PLCG2: variants seen among roughly 807,000 people sequenced by gnomAD.
PLCG2 encodes 1-phosphatidylinositol 4,5-bisphosphate phosphodiesterase gamma-2.
Under a neutral mutation model 175.6 loss-of-function variants are expected in PLCG2, and 69 were observed. The observed-to-expected ratio is 0.39, with a 90% confidence interval of 0.32 to 0.48. The LOEUF (loss-of-function observed/expected upper bound fraction) is 0.48. Ranked by LOEUF, PLCG2 falls within the 20% of genes least tolerant of loss-of-function variation. The probability of loss-of-function intolerance (pLI) is 0.91; values close to 1 mark genes in which losing one functional copy is unlikely to be tolerated. For missense variants in PLCG2, 1,798 were observed against 1,650.9 expected (o/e 1.09, Z -1.54); for synonymous variants, 827 against 624.0 (o/e 1.33, Z -4.85).
chr16:81,894,402 C>G (rs985862525), intron 12 of PLCG2, among the ~76,000 whole-genome samples: 5 of 152,208 alleles, frequency 3.3e-5, no homozygotes, highest in Non-Finnish European at 5.9e-5. Flanking sequence ...GCACTCTAGC[C>G]TGGGCAACAG....
intron 2 of PLCG2, among the ~76,000 whole-genome samples, chr16:81,765,792 C>T (rs151244622): frequency 4.6e-5 from 7 of 152,266 alleles, no homozygotes; most frequent in African/African-American, 9.6e-5. Context: ...GTCTGGATGG[C>T]TGGTTGACAG....
At chr16:81,859,077 T>C in intron 4 of PLCG2, 39 bp from the exon 5 acceptor site, 1 of 1,301,688 alleles carries the variant, frequency 7.7e-7, no homozygotes, top group Non-Finnish European at 1.1e-6. Flanking sequence ...TTTCTAATTT[T>C]CTCTTTCTCT....
upstream of PLCG2, among the ~76,000 whole-genome samples, chr16:81,777,670 C>G (rs1910456966): frequency 6.6e-6 from 1 of 152,054 alleles, no homozygotes; most frequent in African/African-American, 2.4e-5. Flanking sequence ...CAAACGAGTC[C>G]TATGGCTTGG....
At chr16:81,876,016 C>T (rs368525788) in intron 7 of PLCG2, among the ~76,000 whole-genome samples, 14 of 115,008 alleles carry the variant, frequency 1.2e-4, no homozygotes, top group Non-Finnish European at 2.1e-4. Flanking sequence ...CTTTTTCTTT[C>T]TTTTTTTTTT....
intron 31 of PLCG2, among the ~76,000 whole-genome samples, chr16:81,953,347 C>T (rs146095053): frequency 2.5e-4 from 38 of 151,882 alleles, no homozygotes; most frequent in African/African-American, 8.7e-4. Context: ...TGTGGTTGTG[C>T]GAGATGTTAA....
intron 20 of PLCG2, among the ~76,000 whole-genome samples, chr16:81,920,570 T>G (rs1852637952): frequency 2.0e-5 from 3 of 152,108 alleles, no homozygotes; most frequent in South Asian, 4.1e-4. Flanking sequence ...ACATGGAAGA[T>G]AGCAGTGAAT....
chr16:81,854,630 G>T, intron 3 of PLCG2, 43 bp downstream of exon 3: 1 of 1,589,148 alleles, frequency 6.3e-7, no homozygotes, highest in Non-Finnish European at 8.6e-7. Context: ...CTGTGCCTTA[G>T]TGTCTTCCTG....
chr16:81,846,150 C>T (rs1454534660), intron 2 of PLCG2, among the ~76,000 whole-genome samples: 1 of 152,194 alleles, frequency 6.6e-6, no homozygotes, highest in African/African-American at 2.4e-5. Context: ...CTTCAGGGCA[C>T]TGCTCTCACT....
intron 2 of PLCG2, among the ~76,000 whole-genome samples, chr16:81,761,436 G>C (rs945406450): frequency 3.3e-5 from 5 of 152,182 alleles, no homozygotes; most frequent in Non-Finnish European, 7.3e-5. Flanking sequence ...TAATTCTTCT[G>C]ATTATAACAC....
chr16:81,961,171 G>C lies in PLCG2; in HGVS notation c.*3173G>C, dbSNP rs1050413422. On this transcript the variant is annotated 3_prime_UTR_variant, in exon 33 of 33. Transcript: ENST00000564138. ...GAGTCTCTTAGCATGTAACTACAAA[G>C]GGGTTGGAAGAATTCAGTGATTCTG... The C allele has an allele frequency of 1.3e-5, 3 of 229,280 alleles. No homozygotes were observed. The highest frequency in any genetic ancestry group is 5.7e-5 in the Admixed American group (1 of 17,646). The allele number at this position is 229,280 out of a possible 1,614,324, so 14.2% of individuals were successfully genotyped here.
rs542562241 is a variant in PLCG2 at position 81,858,324 on chromosome 16, G to A, written c.399G>A (p.Ala133=). 1.9e-5 allele frequency: 30 copies of A among 1,613,980 alleles called. No homozygotes were observed. The highest frequency in any genetic ancestry group is 5.5e-5 in the South Asian group (5 of 91,082). Residue 133 remains alanine (A), a synonymous_variant, in exon 4 of 33, where the codon GCG becomes GCA. Coordinates refer to ENST00000564138, the MANE Select transcript of PLCG2 (RefSeq NM_002661.5). ...LSGLKILHQE[A]MNASTPTIIE... is the part of the protein sequence containing the mutation. Reference sequence around the variant, plus strand: ...GCTTGAAAATCTTACACCAGGAAGCGATGAATGCGTCCACGCCCACCATTA... The same window carrying A: ...GCTTGAAAATCTTACACCAGGAAGCAATGAATGCGTCCACGCCCACCATTA...
chr16:81,948,036 C>T (rs562193265), intron 31 of PLCG2, among the ~76,000 whole-genome samples: 1 of 151,368 alleles, frequency 6.6e-6, no homozygotes. Context: ...GTCCCTAATT[C>T]ACTTATGCTC....
intron 10 of PLCG2, 57 bp from the exon 11 acceptor site, chr16:81,891,415 C>A: frequency 2.0e-6 from 2 of 988,482 alleles, no homozygotes; most frequent in Non-Finnish European, 3.3e-6. Flanking sequence ...CAGAAACAAG[C>A]AGACACCATC....
At chr16:81,915,036 C>T (rs1235116185) in intron 19 of PLCG2, among the ~76,000 whole-genome samples, 3 of 152,166 alleles carry the variant, frequency 2.0e-5, no homozygotes, top group African/African-American at 7.2e-5. Flanking sequence ...TTTTTCAAAC[C>T]CTCTCTGGTC....
At chr16:81,843,519 A>G (rs1905945400) in intron 2 of PLCG2, among the ~76,000 whole-genome samples, 1 of 152,234 alleles carries the variant, frequency 6.6e-6, no homozygotes, top group Non-Finnish European at 1.5e-5. Flanking sequence ...AGTATCACTT[A>G]ACAACCTTAA....
intron 17 of PLCG2, among the ~76,000 whole-genome samples, chr16:81,908,874 G>T (rs1028550603): frequency 2.6e-5 from 4 of 152,166 alleles, no homozygotes; most frequent in African/African-American, 7.2e-5. Context: ...ACAAAGACAA[G>T]ATCTGACCCT....
At chr16:81,931,697 G>C in intron 25 of PLCG2, 43 bp downstream of exon 25, 1 of 1,589,114 alleles carries the variant, frequency 6.3e-7, no homozygotes, top group Non-Finnish European at 8.6e-7. Flanking sequence ...CTGGCATTCT[G>C]AGGGCTTTGG....
chr16:81,783,272 C>A, intron 1 of PLCG2: 1 of 293,610 alleles, frequency 3.4e-6, no homozygotes. Context: ...GCAGCTGGGT[C>A]AAATCCAGTT....
chr16:81,742,032 C>T (rs555657296), intron 1 of PLCG2, among the ~76,000 whole-genome samples: 7 of 151,050 alleles, frequency 4.6e-5, no homozygotes, highest in African/African-American at 1.7e-4. Flanking sequence ...CCTATCCTCC[C>T]CTCCCTCCTC....
Sources: allele counts gnomAD v4.1 joint callset (sites outside exome capture counted in the v4.1 genomes callset), GRCh38; gene constraint gnomAD v4.1.1; transcripts MANE v1.5; gene names NCBI Gene and HGNC (gene_info 2026-07-23, HGNC 2026-07-21).